UGT1A6: variants seen among roughly 807,000 people sequenced by gnomAD.
UGT1A6 encodes UDP glucuronosyltransferase family 1 member A6.
UGT1A6 carries 32 observed loss-of-function variants against 44.4 expected under a neutral mutation model. The observed-to-expected ratio is 0.72, with a 90% confidence interval of 0.54 to 0.97. UGT1A6 has a LOEUF of 0.97. Among genes scored for constraint, UGT1A6 ranks in the 50% least tolerant of loss-of-function variants. UGT1A6 has a pLI of 0.00. For synonymous variants in UGT1A6, 238 were observed against 248.5 expected (o/e 0.96, Z 0.40); for missense variants, 685 against 661.9 (o/e 1.03, Z -0.38).
At chr2:233,707,141 G>A (rs1346403880) in intron 1 of UGT1A6, among the ~76,000 whole-genome samples, 2 of 152,124 alleles carry the variant, frequency 1.3e-5, no homozygotes, top group Admixed American at 1.3e-4. Context: ...TATCCCGGAG[G>A]TCACTGCAGT....
intron 1 of UGT1A6, chr2:233,747,729 T>A: frequency 6.2e-7 from 1 of 1,613,510 alleles, no homozygotes. Context: ...TGTGTTTTTT[T>A]TGAGGAACAT....
At chr2:233,722,546 CT>C (rs1401717702) in intron 1 of UGT1A6, among the ~76,000 whole-genome samples, 1 of 152,096 alleles carries the variant, frequency 6.6e-6, no homozygotes, top group East Asian at 1.9e-4. Context: ...ATCCTAGTTT[CT>C]TTTGGTTGAT....
intron 1 of UGT1A6, among the ~76,000 whole-genome samples, chr2:233,751,493 G>C (rs545881478): frequency 3.2e-4 from 48 of 152,200 alleles, no homozygotes; most frequent in Non-Finnish European, 6.2e-4. Context: ...AAAGACATGA[G>C]ATTTGGGAGG....
chr2:233,718,773 C>T (rs374057137), intron 1 of UGT1A6: 12 of 1,612,730 alleles, frequency 7.4e-6, no homozygotes, highest in Non-Finnish European at 8.5e-6. Context: ...ACAAATGTAG[C>T]AGGCACAGCG....
At chr2:233,731,661 C>T (rs2078189507) in intron 1 of UGT1A6, among the ~76,000 whole-genome samples, 1 of 152,192 alleles carries the variant, frequency 6.6e-6, no homozygotes, top group South Asian at 2.1e-4. Flanking sequence ...ATATGTGCCA[C>T]ATTTTCTTAA....
At chr2:233,724,529 G>A (rs1336753054) in intron 1 of UGT1A6, among the ~76,000 whole-genome samples, 2 of 116,416 alleles carry the variant, frequency 1.7e-5, no homozygotes, top group African/African-American at 3.6e-5. Context: ...ATGGGGTCTC[G>A]CCGGGCAGAG....
intron 1 of UGT1A6, among the ~76,000 whole-genome samples, chr2:233,734,364 G>A (rs1194313083): frequency 6.6e-6 from 1 of 152,040 alleles, no homozygotes; most frequent in East Asian, 1.9e-4. Context: ...TGGGATCGGT[G>A]GTGATATTGC....
chr2:233,730,522 G>A (rs45560734), intron 1 of UGT1A6, among the ~76,000 whole-genome samples: 4,919 of 152,208 alleles, frequency 0.032, 260 homozygotes, highest in African/African-American at 0.11. Flanking sequence ...TGGAAGTGGG[G>A]CAATGAAGTT....
At chr2:233,693,962 T>A in intron 1 of UGT1A6, 97 bp downstream of exon 1, 2 of 1,580,092 alleles carry the variant, frequency 1.3e-6, no homozygotes, top group Non-Finnish European at 8.6e-7. Flanking sequence ...CTTGGAGGAT[T>A]TCCTGGAGAA....
chr2:233,767,182 C>T lies in UGT1A6; in HGVS notation c.993+17C>T. The T allele has an allele frequency of 6.2e-7, 1 of 1,613,942 alleles. No individual in the cohort carries two copies. The highest frequency in any genetic ancestry group is 8.5e-7 in the Non-Finnish European group (1 of 1,179,982). On this transcript the variant is annotated intron_variant, in intron 2 of 4. Coordinates refer to ENST00000305139, the MANE Select transcript of UGT1A6 (RefSeq NM_001072.4). ...CCTCAGACAGTAAGAAGATTCTATACCATGGCCTCATATCTATTTTCACAG... is the reference window on the plus strand; with the variant it reads ...CCTCAGACAGTAAGAAGATTCTATATCATGGCCTCATATCTATTTTCACAG...
At chr2:233,751,396 T>C (rs939071089) in intron 1 of UGT1A6, among the ~76,000 whole-genome samples, 1 of 152,154 alleles carries the variant, frequency 6.6e-6, no homozygotes, top group African/African-American at 2.4e-5. Context: ...CAGATAAGAC[T>C]TTGGACTATG....
At chr2:233,758,381 C>CTTATGTGT (rs1159437642) in intron 1 of UGT1A6, among the ~76,000 whole-genome samples, 1 of 152,202 alleles carries the variant, frequency 6.6e-6, no homozygotes, top group East Asian at 1.9e-4. Context: ...ACAGTGGTGA[C>CTTATGTGT]TTATGTGTTT....
chr2:233,755,177 G>A (rs1258738102), intron 1 of UGT1A6: 6 of 1,239,024 alleles, frequency 4.8e-6, no homozygotes, highest in Non-Finnish European at 6.6e-6. Flanking sequence ...TTTTGTCGGG[G>A]TGCCACTTGA....
intron 1 of UGT1A6, among the ~76,000 whole-genome samples, chr2:233,708,167 T>G (rs2076006763): frequency 6.6e-6 from 1 of 152,200 alleles, no homozygotes; most frequent in African/African-American, 2.4e-5. Context: ...TGCCGGAAAA[T>G]GGACTTACTG....
At chr2:233,719,486 C>T (rs781372953) in intron 1 of UGT1A6, 4 of 1,614,016 alleles carry the variant, frequency 2.5e-6, no homozygotes, top group East Asian at 2.2e-5. Context: ...CCCTGTCCTA[C>T]ATTTGCCATA....
rs752839678 is a variant in UGT1A6, at chr2:233,693,069, G to A, written c.65G>A (p.Gly22Asp). The A allele has an allele frequency of 6.2e-7, 1 of 1,614,148 alleles. No individual in the cohort carries two copies. The highest frequency in any genetic ancestry group is 8.5e-7 in the Non-Finnish European group (1 of 1,180,024). The change falls in exon 1 of 5, where the codon GGC becomes GAC. Residue 22 changes from glycine (G) to aspartate (D), a missense_variant. Gly to Asp is a moderately conservative substitution (Grantham distance 94). Coordinates refer to ENST00000305139, the MANE Select transcript of UGT1A6 (RefSeq NM_001072.4). ...SAGVFFLALW[G>D]MVVGDKLLVV... The stretch of plus-strand genomic sequence containing the variant: ...GGGGTTTTCTTCTTAGCACTTTGGG[G>A]CATGGTTGTAGGTGACAAGCTGCTG...
chr2:233,712,007 C>A (rs561891782), intron 1 of UGT1A6, among the ~76,000 whole-genome samples: 50 of 152,312 alleles, frequency 3.3e-4, no homozygotes, highest in African/African-American at 1.1e-3. Flanking sequence ...CTGGAGGAAC[C>A]ATTCTTATCA....
chr2:233,738,035 A>T (rs1181803416), intron 1 of UGT1A6, among the ~76,000 whole-genome samples: 1 of 151,816 alleles, frequency 6.6e-6, no homozygotes, highest in African/African-American at 2.4e-5. Flanking sequence ...CATAATCCCC[A>T]CGTGTTGAGG....
At chr2:233,732,625 G>A (rs1018274304) in intron 1 of UGT1A6, among the ~76,000 whole-genome samples, 1 of 152,154 alleles carries the variant, frequency 6.6e-6, no homozygotes, top group African/African-American at 2.4e-5. Context: ...TAGATGTGTG[G>A]TGTTATTTCT....
Sources: allele counts gnomAD v4.1 joint callset (sites outside exome capture counted in the v4.1 genomes callset), GRCh38; gene constraint gnomAD v4.1.1; transcripts MANE v1.5; gene names NCBI Gene and HGNC (gene_info 2026-07-23, HGNC 2026-07-21).